Variants in CPED1 observed in about 807,000 individuals in gnomAD.
The protein encoded by CPED1 is cadherin-like and PC-esterase domain-containing protein 1.
A neutral mutation model predicts 128.2 loss-of-function variants in CPED1; 114 were observed. The ratio of observed to expected loss-of-function variants is 0.89; its 90% CI spans 0.76 to 1.04. CPED1 has a LOEUF of 1.04. Ranked by LOEUF, CPED1 falls within the 50% of genes least tolerant of loss-of-function variation. The pLI, the probability that CPED1 is intolerant of heterozygous loss-of-function variation, is 0.00. For synonymous variants in CPED1, 462 were observed against 426.7 expected (o/e 1.08, Z -1.02); for missense variants, 1,211 against 1,207.1 (o/e 1.00, Z -0.05).
intron 5 of CPED1, among the ~76,000 whole-genome samples, chr7:121,075,775 C>A (rs1298087565): frequency 6.6e-6 from 1 of 152,126 alleles, no homozygotes; most frequent in Non-Finnish European, 1.5e-5. Flanking sequence ...ATGAAATAGG[C>A]TGAAATCTAC....
chr7:121,072,611 G>A (rs913182502), intron 5 of CPED1, among the ~76,000 whole-genome samples: 2 of 152,104 alleles, frequency 1.3e-5, no homozygotes, highest in African/African-American at 2.4e-5. Flanking sequence ...ATAAAAGAAA[G>A]TACCCCTAGA....
At chr7:121,053,215 TA>T (rs928570459) in intron 4 of CPED1, among the ~76,000 whole-genome samples, 4 of 152,010 alleles carry the variant, frequency 2.6e-5, no homozygotes, top group Non-Finnish European at 4.4e-5. Flanking sequence ...TTGCATCTTT[TA>T]AAAAAAATGT....
chr7:121,102,009 T>C (rs1794861177), intron 7 of CPED1, among the ~76,000 whole-genome samples: 1 of 152,162 alleles, frequency 6.6e-6, no homozygotes, highest in African/African-American at 2.4e-5. Flanking sequence ...GTCTCATCCG[T>C]TGTTTCTTGT....
chr7:121,007,702 C>T (rs1435880019), intron 2 of CPED1, among the ~76,000 whole-genome samples: 1 of 152,106 alleles, frequency 6.6e-6, no homozygotes, highest in African/African-American at 2.4e-5. Flanking sequence ...ATTAATTTTC[C>T]TGAAATTTTC....
At chr7:121,096,738 C>T (rs1271656869) in intron 5 of CPED1, among the ~76,000 whole-genome samples, 1 of 151,688 alleles carries the variant, frequency 6.6e-6, no homozygotes, top group East Asian at 1.9e-4. Context: ...AATGACGCAC[C>T]CTAAGCTATT....
chr7:121,279,441 C>T (rs798903), intron 22 of CPED1, among the ~76,000 whole-genome samples: 71,488 of 151,220 alleles, frequency 0.47, 17,381 homozygotes, highest in African/African-American at 0.51. Context: ...GCTACTCACT[C>T]ACTCCCCACC....
intron 5 of CPED1, among the ~76,000 whole-genome samples, chr7:121,075,028 C>T (rs1208080991): frequency 1.3e-5 from 2 of 152,136 alleles, no homozygotes; most frequent in Non-Finnish European, 2.9e-5. Flanking sequence ...CTGTGGTACA[C>T]ATCAAGGCAT....
chr7:121,271,578 C>G, intron 22 of CPED1, 148 bp downstream of exon 22: 1 of 783,706 alleles, frequency 1.3e-6, no homozygotes, highest in Non-Finnish European at 2.0e-6. Flanking sequence ...CATCATTCAG[C>G]CAAGGCATGT....
At chr7:121,120,909 T>C (rs1266934922) in intron 7 of CPED1, among the ~76,000 whole-genome samples, 1 of 139,906 alleles carries the variant, frequency 7.1e-6, no homozygotes, top group Non-Finnish European at 1.5e-5. Flanking sequence ...ATTTACTGAA[T>C]ACCTACTTAG....
At position 121,069,795 on chromosome 7, in the gene CPED1, G is replaced by C. The variant is rs532896691; in HGVS notation, c.616+5482G>C. ...AGGGAATTTTTCATCATATTTGAAA[G>C]ACAAGTATAAAACAAAACATAAGAG... On this transcript the variant is annotated intron_variant, in intron 5 of 22. Transcript: ENST00000310396. Among the ~76,000 whole-genome samples, 11 of 152,238 alleles carry C rather than the reference G, an allele frequency of 7.2e-5. No homozygotes were observed. In the East Asian group the frequency reaches 2.1e-3, roughly 29 times the overall value.
chr7:121,188,925 A>C (rs760478244), intron 16 of CPED1, among the ~76,000 whole-genome samples: 2 of 152,110 alleles, frequency 1.3e-5, no homozygotes, highest in Non-Finnish European at 2.9e-5. Context: ...GCACATGAGT[A>C]TTAGACTCTG....
chr7:121,018,146 T>TA (rs1245768307), intron 3 of CPED1, among the ~76,000 whole-genome samples: 4 of 152,138 alleles, frequency 2.6e-5, no homozygotes, highest in Non-Finnish European at 5.9e-5. Context: ...AAATTTTTTT[T>TA]AAAAAAGAGT....
intron 5 of CPED1, among the ~76,000 whole-genome samples, chr7:121,074,872 G>C (rs1049725638): frequency 6.6e-6 from 1 of 152,106 alleles, no homozygotes; most frequent in Non-Finnish European, 1.5e-5. Flanking sequence ...ATAAAAAGGT[G>C]TTTCACAAAA....
In CPED1 at chr7:121,251,996, G is replaced by A. The variant is rs559295543; in HGVS notation, c.2310+7658G>A. Among the ~76,000 whole-genome samples, 68 of 151,496 alleles carry A rather than the reference G, an allele frequency of 4.5e-4. No homozygotes were observed. In the East Asian group the frequency reaches 7.2e-3, roughly 16 times the overall value. ...TTCATATGGAACCAAAAAAGAGCCCGCATTGCCAAGTCAATCCTAAGCCAA... is the reference window on the plus strand; with the variant it reads ...TTCATATGGAACCAAAAAAGAGCCCACATTGCCAAGTCAATCCTAAGCCAA... On this transcript the variant is annotated intron_variant, in intron 18 of 22. Coordinates refer to ENST00000310396, the MANE Select transcript of CPED1 (RefSeq NM_024913.5).
At chr7:121,156,658 A>C (rs1608660) in intron 16 of CPED1, among the ~76,000 whole-genome samples, 65,195 of 152,018 alleles carry the variant, frequency 0.43, 15,476 homozygotes, top group East Asian at 0.84. Flanking sequence ...GATTGAGAAT[A>C]GAGTGATGGT....
At chr7:121,281,684 T>C (rs901139297) in intron 22 of CPED1, among the ~76,000 whole-genome samples, 1 of 152,198 alleles carries the variant, frequency 6.6e-6, no homozygotes, top group African/African-American at 2.4e-5. Flanking sequence ...TAAAACTCCA[T>C]TTAGCTCCAA....
chr7:121,062,355 AAAC>A (rs1419733985), intron 4 of CPED1, among the ~76,000 whole-genome samples: 5 of 151,884 alleles, frequency 3.3e-5, no homozygotes, highest in African/African-American at 7.3e-5. Context: ...TGAACTTAAA[AAAC>A]AAACAAACAA....
At chr7:121,189,291 A>G (rs539350855) in intron 16 of CPED1, among the ~76,000 whole-genome samples, 2 of 152,314 alleles carry the variant, frequency 1.3e-5, no homozygotes, top group Admixed American at 1.3e-4. Flanking sequence ...TCTATGAAAA[A>G]AAGAGGTTTA....
At position 121,125,910 on chromosome 7, in the gene CPED1, C is replaced by T. The variant is rs369529110; in HGVS notation, c.1134+18C>T. ...TGCTCCAGGTCAGTATGCCAAAGGCCTCATGTGAGCTTCTACCTTGTGGTG... is the reference window on the plus strand; with the variant it reads ...TGCTCCAGGTCAGTATGCCAAAGGCTTCATGTGAGCTTCTACCTTGTGGTG... On this transcript the variant is annotated intron_variant, in intron 9 of 22. Coordinates refer to ENST00000310396, the MANE Select transcript of CPED1 (RefSeq NM_024913.5). The T allele has an allele frequency of 1.3e-6, 2 of 1,511,010 alleles. No homozygotes were observed. Among genetic ancestry groups the T allele is most frequent in the Non-Finnish European group, 1.8e-6 (2 of 1,086,340 alleles). 93.6% of individuals were successfully genotyped at this position (1,511,010 alleles called of 1,614,324 possible).
Sources: gnomAD v4.1 joint callset for allele counts (sites outside exome capture counted in the v4.1 genomes callset) on GRCh38, gnomAD v4.1.1 for gene constraint, MANE v1.5 for transcripts, NCBI Gene and HGNC (gene_info 2026-07-23, HGNC 2026-07-21) for gene names.